Variants in ATP10B observed in about 807,000 individuals in gnomAD.
ATP10B encodes the protein ATPase phospholipid transporting 10B (putative), also known as phospholipid-transporting ATPase VB.
In ATP10B, 122 loss-of-function variants were observed where a neutral mutation model predicts 141.2. The observed-to-expected ratio is 0.86, with a 90% confidence interval of 0.75 to 1.00. The LOEUF is 1.00. Among genes scored for constraint, ATP10B ranks in the 50% least tolerant of loss-of-function variants. ATP10B has a pLI of 0.00. For missense variants in ATP10B, 1,876 were observed against 1,825.3 expected, an observed-to-expected ratio of 1.03 and a Z score of -0.51; for synonymous variants, 685 against 692.0, an observed-to-expected ratio of 0.99 and a Z score of 0.16.
chr5:160,829,157 T>C (rs1173175820), intron 1 of ATP10B, among the ~76,000 whole-genome samples: 3 of 151,848 alleles, frequency 2.0e-5, no homozygotes, highest in Non-Finnish European at 4.4e-5. Flanking sequence ...TGTATACATA[T>C]GTAACTAACC....
chr5:160,918,489 G>GACCATGATATTC, the ATP10B span, among the ~76,000 whole-genome samples: 36 of 152,258 alleles, frequency 2.4e-4, no homozygotes, highest in Middle Eastern at 3.4e-3. Context: ...AGGCTAGATA[G>GACCATGATATTC]ACCATGATAT....
the ATP10B span, among the ~76,000 whole-genome samples, chr5:160,894,142 T>C: frequency 1.3e-4 from 20 of 151,992 alleles, no homozygotes; most frequent in African/African-American, 4.8e-4. Flanking sequence ...CCTCTTCTCC[T>C]CCAAAGGATC....
chr5:160,688,985 G>A, intron 3 of ATP10B, 42 bp from the exon 4 acceptor site: 4 of 975,090 alleles, frequency 4.1e-6, no homozygotes, highest in South Asian at 9.5e-5. Context: ...CTGCCCAGGT[G>A]GCAAAGAAAT....
chr5:160,732,064 G>T (rs911186407), intron 2 of ATP10B, among the ~76,000 whole-genome samples: 3 of 152,146 alleles, frequency 2.0e-5, no homozygotes, highest in African/African-American at 4.8e-5. Flanking sequence ...TGACCTAGAT[G>T]TTGGAATTAA....
At chr5:160,779,434 T>C (rs1770572733) in intron 2 of ATP10B, among the ~76,000 whole-genome samples, 2 of 152,198 alleles carry the variant, frequency 1.3e-5, no homozygotes, top group Admixed American at 1.3e-4. Context: ...CCACCTCTCT[T>C]ACTCTTCTTG....
chr5:160,859,025 C>A, the ATP10B span, among the ~76,000 whole-genome samples: 4 of 151,870 alleles, frequency 2.6e-5, no homozygotes, highest in African/African-American at 9.6e-5. Flanking sequence ...ATTTTCCTTT[C>A]TGATGTTCCA....
At position 160,565,452 on chromosome 5, in the gene ATP10B, C is replaced by T. The variant is rs776517979; in HGVS notation, c.*1G>A. On this transcript the variant is annotated 3_prime_UTR_variant, in exon 26 of 26. Transcript: ENST00000327245. Reference sequence around the variant, plus strand: ...GAGTTTGTACAGATTTCTGCAGCTCCTCATATGGTCAGTGAACTCTGGGAT... The same window carrying T: ...GAGTTTGTACAGATTTCTGCAGCTCTTCATATGGTCAGTGAACTCTGGGAT... The T allele has an allele frequency of 1.2e-6, 2 of 1,613,686 alleles. No homozygotes were observed. Among genetic ancestry groups the T allele is most frequent in the East Asian group, 2.2e-5 (1 of 44,856 alleles).
At chr5:160,900,943 T>C in the ATP10B span, among the ~76,000 whole-genome samples, 1 of 138,142 alleles carries the variant, frequency 7.2e-6, no homozygotes, top group Admixed American at 7.7e-5. Context: ...TTAAGTCTTA[T>C]AATCTCGGTT....
At chr5:160,912,702 A>G in the ATP10B span, among the ~76,000 whole-genome samples, 7 of 152,234 alleles carry the variant, frequency 4.6e-5, no homozygotes, top group South Asian at 1.0e-3. Flanking sequence ...AGAAAAAAGA[A>G]AAGAGAAAAG....
intron 13 of ATP10B, 151 bp downstream of exon 13, chr5:160,631,978 C>A (rs1758965989): frequency 1.7e-6 from 1 of 582,364 alleles, no homozygotes; most frequent in African/African-American, 1.8e-5. Flanking sequence ...TCTATGCCAA[C>A]AAAACACATG....
chr5:160,833,478 T>C lies in ATP10B; in HGVS notation c.-576+18463A>G, dbSNP rs577682035. On this transcript the variant is annotated intron_variant, in intron 1 of 25. Coordinates refer to ENST00000327245, the MANE Select transcript of ATP10B (RefSeq NM_025153.3). ...TGTCTGAATAGAAAGGGATATGCTCTTTTCAAGGAGTTAATATTTATTTCA... is the reference window on the plus strand; with the variant it reads ...TGTCTGAATAGAAAGGGATATGCTCCTTTCAAGGAGTTAATATTTATTTCA... 4.6e-5 allele frequency among the ~76,000 whole-genome samples: 7 copies of C among 152,272 alleles called. No individual in the cohort carries two copies. In the South Asian group the frequency reaches 8.3e-4, roughly 18 times the overall value.
At chr5:160,640,753 G>A (rs1395730602) in intron 9 of ATP10B, among the ~76,000 whole-genome samples, 161 bp from the exon 10 acceptor site, 1 of 152,150 alleles carries the variant, frequency 6.6e-6, no homozygotes, top group African/African-American at 2.4e-5. Flanking sequence ...AGCTGTAGGG[G>A]CCTCACATAA....
At chr5:160,581,628 G>A (rs1454172467) in intron 24 of ATP10B, among the ~76,000 whole-genome samples, 2 of 152,212 alleles carry the variant, frequency 1.3e-5, no homozygotes, top group Admixed American at 6.5e-5. Flanking sequence ...ATATTCTGTT[G>A]ATTTGGGGTG....
At chr5:160,741,109 C>T (rs895197162) in intron 2 of ATP10B, among the ~76,000 whole-genome samples, 2 of 152,240 alleles carry the variant, frequency 1.3e-5, no homozygotes, top group Non-Finnish European at 2.9e-5. Flanking sequence ...CTCTCCCAGG[C>T]TTGTACAAAC....
chr5:160,754,157 G>A (rs530699241), intron 2 of ATP10B, among the ~76,000 whole-genome samples: 5 of 152,204 alleles, frequency 3.3e-5, no homozygotes, highest in Admixed American at 6.5e-5. Flanking sequence ...AAATTATACC[G>A]TTTTCTTAAA....
chr5:160,663,025 G>A (rs1228799734), intron 7 of ATP10B, among the ~76,000 whole-genome samples: 2 of 152,134 alleles, frequency 1.3e-5, no homozygotes, highest in African/African-American at 4.8e-5. Context: ...GCAGCCAAAA[G>A]ACACATGAAA....
intron 6 of ATP10B, among the ~76,000 whole-genome samples, chr5:160,682,302 A>AT (rs1439442829): frequency 6.6e-6 from 1 of 152,062 alleles, no homozygotes; most frequent in Non-Finnish European, 1.5e-5. Flanking sequence ...CCATGCACGT[A>AT]TTTTTTCGGA....
intron 18 of ATP10B, among the ~76,000 whole-genome samples, chr5:160,610,330 T>C (rs187532850): frequency 7.2e-5 from 11 of 152,276 alleles, no homozygotes; most frequent in African/African-American, 2.6e-4. Context: ...TGAGGCCTGC[T>C]AACAGTCATG....
At position 160,638,440 on chromosome 5, in the gene ATP10B, A is replaced by C. The variant is rs1320425182; in HGVS notation, c.1000+2021T>G. 1.3e-5 allele frequency among the ~76,000 whole-genome samples: 2 copies of C among 152,162 alleles called. 1 individual carries two copies. Among genetic ancestry groups the C allele is most frequent in the African/African-American group, 4.8e-5 (2 of 41,436 alleles). Reference sequence around the variant, plus strand: ...AAGCAGAAACAACAGTTCCTGCAGCATCTTGGGGACACAGGTGGCCAAATG... The same window carrying C: ...AAGCAGAAACAACAGTTCCTGCAGCCTCTTGGGGACACAGGTGGCCAAATG... On this transcript the variant is annotated intron_variant, in intron 10 of 25. Transcript: ENST00000327245.
Sources: allele counts gnomAD v4.1 joint callset (sites outside exome capture counted in the v4.1 genomes callset), GRCh38; gene constraint gnomAD v4.1.1; transcripts MANE v1.5; gene names NCBI Gene and HGNC (gene_info 2026-07-23, HGNC 2026-07-21).